TAF3: variants seen among roughly 807,000 people sequenced by gnomAD.
TAF3 encodes the protein transcription initiation factor TFIID subunit 3.
Under a neutral mutation model 80.6 loss-of-function variants are expected in TAF3, and 7 were observed. The observed-to-expected ratio is 0.09, with a 90% CI of 0.05 to 0.16. The LOEUF (loss-of-function observed/expected upper bound fraction) is 0.16, where lower values mean the gene tolerates loss of function less well. Ranked by LOEUF, TAF3 falls within the 10% of genes least tolerant of loss-of-function variation. TAF3 has a pLI of 1.00. For missense variants in TAF3, 921 were observed against 1,140.2 expected (o/e 0.81, Z 2.77); for synonymous variants, 444 against 446.1 (o/e 1.00, Z 0.06).
At chr10:7,891,335 G>A (rs982049086) in intron 2 of TAF3, among the ~76,000 whole-genome samples, 1 of 152,098 alleles carries the variant, frequency 6.6e-6, no homozygotes, top group African/African-American at 2.4e-5. Context: ...AAAAGACACA[G>A]ATACAAGTTA....
chr10:7,988,090 A>G (rs1033595140), intron 4 of TAF3, among the ~76,000 whole-genome samples: 6 of 152,186 alleles, frequency 3.9e-5, no homozygotes, highest in Non-Finnish European at 7.3e-5. Context: ...TTATGTTTGT[A>G]AGTAATGTTT....
At chr10:7,857,470 C>T (rs1837092904) in intron 2 of TAF3, among the ~76,000 whole-genome samples, 1 of 152,148 alleles carries the variant, frequency 6.6e-6, no homozygotes, top group Admixed American at 6.5e-5. Context: ...TGGGTACCCC[C>T]AGAGAGGAAG....
intron 2 of TAF3, among the ~76,000 whole-genome samples, chr10:7,905,222 G>A (rs1273266671): frequency 6.6e-6 from 1 of 152,144 alleles, no homozygotes; most frequent in Non-Finnish European, 1.5e-5. Context: ...GAGGTAGACC[G>A]TACAGAAACC....
chr10:7,840,544 G>T (rs936255331), intron 2 of TAF3, among the ~76,000 whole-genome samples: 32 of 151,144 alleles, frequency 2.1e-4, no homozygotes, highest in South Asian at 8.4e-4. Flanking sequence ...AAAAAGATTG[G>T]TTTTTTTTCT....
intron 2 of TAF3, among the ~76,000 whole-genome samples, chr10:7,946,179 C>T (rs1424876821): frequency 6.6e-6 from 1 of 151,216 alleles, no homozygotes; most frequent in African/African-American, 2.4e-5. Context: ...CTTCCTATAC[C>T]CTTCAAATAA....
At chr10:7,958,020 T>C (rs544020163) in intron 2 of TAF3, among the ~76,000 whole-genome samples, 1 of 152,278 alleles carries the variant, frequency 6.6e-6, no homozygotes, top group East Asian at 1.9e-4. Flanking sequence ...TGTAGGAAAA[T>C]ATTTTTAAGA....
intron 2 of TAF3, among the ~76,000 whole-genome samples, chr10:7,894,746 C>T (rs572402037): frequency 2.3e-4 from 35 of 152,260 alleles, no homozygotes; most frequent in Non-Finnish European, 3.8e-4. Flanking sequence ...AGTATGCTTT[C>T]CCCTGGGCTG....
At chr10:7,867,225 C>T (rs1457155676) in intron 2 of TAF3, among the ~76,000 whole-genome samples, 1 of 152,082 alleles carries the variant, frequency 6.6e-6, no homozygotes, top group Non-Finnish European at 1.5e-5. Context: ...TGTCACTGCA[C>T]TCCAGCCTGG....
chr10:7,945,625 C>T (rs374465176), intron 2 of TAF3, among the ~76,000 whole-genome samples: 12 of 152,072 alleles, frequency 7.9e-5, no homozygotes, highest in African/African-American at 2.9e-4. Context: ...ACTACCCACC[C>T]GGCTACATCC....
intron 2 of TAF3, among the ~76,000 whole-genome samples, chr10:7,953,236 G>A (rs993332519): frequency 2.0e-5 from 3 of 152,154 alleles, no homozygotes; most frequent in Admixed American, 6.5e-5. Flanking sequence ...TCATTTGTTA[G>A]TTTCATGGTC....
chr10:7,943,914 C>T (rs931894581), intron 2 of TAF3, among the ~76,000 whole-genome samples: 1 of 152,092 alleles, frequency 6.6e-6, no homozygotes, highest in African/African-American at 2.4e-5. Flanking sequence ...AAAATCATTA[C>T]CCCTAGTAAA....
At chr10:7,913,431 C>T (rs1206834658) in intron 2 of TAF3, among the ~76,000 whole-genome samples, 1 of 152,198 alleles carries the variant, frequency 6.6e-6, no homozygotes, top group African/African-American at 2.4e-5. Flanking sequence ...TTTCTATGCC[C>T]TTTTCTCATA....
chr10:7,854,084 C>T (rs796889732), intron 2 of TAF3, among the ~76,000 whole-genome samples: 1 of 152,332 alleles, frequency 6.6e-6, no homozygotes, highest in Non-Finnish European at 1.5e-5. Context: ...CAGCATATCT[C>T]TCAATACACT....
At chr10:7,926,311 G>A (rs906209507) in intron 2 of TAF3, among the ~76,000 whole-genome samples, 7 of 152,036 alleles carry the variant, frequency 4.6e-5, no homozygotes, top group African/African-American at 1.7e-4. Context: ...CCACTACGAT[G>A]TTGTACATTT....
intron 2 of TAF3, among the ~76,000 whole-genome samples, chr10:7,915,114 G>A (rs548295560): frequency 6.6e-6 from 1 of 151,314 alleles, no homozygotes; most frequent in Admixed American, 6.6e-5. Context: ...CTACTTTTTT[G>A]TATTTTTAGT....
intron 2 of TAF3, among the ~76,000 whole-genome samples, chr10:7,874,721 G>A (rs1436233991): frequency 6.7e-6 from 1 of 149,612 alleles, no homozygotes; most frequent in Non-Finnish European, 1.5e-5. Flanking sequence ...TTAATTTTCT[G>A]TGGCCCAAAA....
chr10:7,994,826 A>G (rs1422681701), intron 4 of TAF3, among the ~76,000 whole-genome samples: 2 of 140,270 alleles, frequency 1.4e-5, no homozygotes, highest in African/African-American at 2.5e-5. Context: ...AAAAAAAAAA[A>G]TAGCTGGGTG....
intron 2 of TAF3, among the ~76,000 whole-genome samples, chr10:7,928,681 C>T (rs1486263987): frequency 1.3e-5 from 2 of 152,006 alleles, no homozygotes; most frequent in Non-Finnish European, 2.9e-5. Context: ...TTTTCTATTC[C>T]TTCTGGGGTT....
At chr10:7,969,299 A>G (rs1042788080) in intron 3 of TAF3, among the ~76,000 whole-genome samples, 1 of 152,212 alleles carries the variant, frequency 6.6e-6, no homozygotes, top group Non-Finnish European at 1.5e-5. Flanking sequence ...TGTCTTAAAA[A>G]AAAAAGACAT....
Sources: gnomAD v4.1 joint callset for allele counts (sites outside exome capture counted in the v4.1 genomes callset) on GRCh38, gnomAD v4.1.1 for gene constraint, MANE v1.5 for transcripts, NCBI Gene and HGNC (gene_info 2026-07-23, HGNC 2026-07-21) for gene names.